The following HK1 variants were observed in gnomAD, a reference collection of about 807,000 sequenced individuals.
The protein encoded by HK1 is hexokinase 1.
In HK1, 28 loss-of-function variants were observed where a neutral mutation model predicts 91.6. The observed-to-expected ratio is 0.31, with a 90% CI of 0.23 to 0.42. The LOEUF (loss-of-function observed/expected upper bound fraction) is 0.42. Ranked by LOEUF, HK1 falls within the 10% of genes least tolerant of loss-of-function variation. The pLI is 1.00. For synonymous variants in HK1, 430 were observed against 468.1 expected, an observed-to-expected ratio of 0.92 and a Z score of 1.05; for missense variants, 770 against 1,219.8, an observed-to-expected ratio of 0.63 and a Z score of 5.49.
intron 1 of HK1, among the ~76,000 whole-genome samples, chr10:69,331,691 A>G (rs1188514437): frequency 2.0e-5 from 3 of 151,902 alleles, no homozygotes; most frequent in Admixed American, 6.6e-5. Context: ...CCAGGGCAAT[A>G]TAGCGAGACC....
intron 1 of HK1, chr10:69,319,235 C>G (rs1846864057): frequency 1.6e-6 from 1 of 623,038 alleles, no homozygotes; most frequent in Non-Finnish European, 2.9e-6. Context: ...GGAAGACCCC[C>G]GAGACCGGGC....
intron 1 of HK1, among the ~76,000 whole-genome samples, chr10:69,280,446 C>A (rs1163494141): frequency 6.6e-6 from 1 of 152,214 alleles, no homozygotes; most frequent in Non-Finnish European, 1.5e-5. Flanking sequence ...AGTGAGGTAG[C>A]ACCTACCTGG....
chr10:69,357,152 C>G (rs575384071), intron 2 of HK1, among the ~76,000 whole-genome samples: 7 of 152,262 alleles, frequency 4.6e-5, no homozygotes, highest in African/African-American at 1.7e-4. Context: ...AAAAGTTAAA[C>G]ATGGGTTACT....
intron 7 of HK1, among the ~76,000 whole-genome samples, chr10:69,370,832 A>G (rs1186258107): frequency 1.3e-5 from 2 of 152,172 alleles, no homozygotes; most frequent in African/African-American, 2.4e-5. Context: ...GATATTATTC[A>G]GGTTAGAGTG....
intron 13 of HK1, 138 bp downstream of exon 13, chr10:69,386,556 G>A: frequency 3.3e-6 from 2 of 609,364 alleles, no homozygotes; most frequent in Non-Finnish European, 5.9e-6. Context: ...GGCCGAGGCG[G>A]GTGGATCATG....
At chr10:69,391,943 C>G (rs1839914227) in intron 14 of HK1, among the ~76,000 whole-genome samples, 182 bp from the exon 15 acceptor site, 1 of 152,160 alleles carries the variant, frequency 6.6e-6, no homozygotes, top group Admixed American at 6.5e-5. Flanking sequence ...TGATGTGGCT[C>G]AGACTCTCCA....
chr10:69,313,239 G>A (rs1384898735), upstream of HK1, among the ~76,000 whole-genome samples: 2 of 152,212 alleles, frequency 1.3e-5, no homozygotes, highest in African/African-American at 4.8e-5. Flanking sequence ...ACAGGCGCCA[G>A]TCAGCAGTGT....
chr10:69,342,311 G>A (rs562983191), intron 1 of HK1, among the ~76,000 whole-genome samples: 22 of 152,326 alleles, frequency 1.4e-4, no homozygotes, highest in South Asian at 4.1e-4. Context: ...GGGGAGGTCA[G>A]GGTGACACGC....
intron 1 of HK1, among the ~76,000 whole-genome samples, chr10:69,271,338 G>A (rs923360738): frequency 2.0e-5 from 3 of 151,962 alleles, no homozygotes; most frequent in Non-Finnish European, 4.4e-5. Flanking sequence ...AAAATACACA[G>A]GATTATAAGG....
intron 2 of HK1, among the ~76,000 whole-genome samples, chr10:69,345,500 A>G (rs1019650033): frequency 2.0e-5 from 3 of 152,168 alleles, no homozygotes; most frequent in Admixed American, 6.5e-5. Flanking sequence ...AGAGCTATGT[A>G]GCAGAGGCAT....
In HK1 at chr10:69,385,436, G is replaced by A. The variant is rs192226191; in HGVS notation, c.1839+521G>A. On this transcript the variant is annotated intron_variant, in intron 12 of 17. Coordinates refer to ENST00000359426, the MANE Select transcript of HK1 (RefSeq NM_000188.3). ...TGAAGGTTACAGCTCCTGTCCTTTG[G>A]AAGGCCACAGTCTAGTGGGGGAGCC... Among the ~76,000 whole-genome samples, 639 of 152,354 alleles carry A rather than the reference G, an allele frequency of 4.2e-3. 2 individuals are homozygous for A. The highest frequency in any genetic ancestry group is 0.01 in the Middle Eastern group (3 of 294).
chr10:69,318,935 C>A lies in HK1; in HGVS notation c.-13C>A. Reference sequence around the variant, plus strand: ...GTCCCCACGCCTGCCGCCCCGCGACCCCGACCGCCAGCATGATCGCCGCGC... The same window carrying A: ...GTCCCCACGCCTGCCGCCCCGCGACACCGACCGCCAGCATGATCGCCGCGC... On this transcript the variant is annotated 5_prime_UTR_variant, in exon 1 of 18. Transcript: ENST00000359426. 1 of 1,584,424 alleles carries A rather than the reference C, an allele frequency of 6.3e-7. No homozygotes were observed. Among genetic ancestry groups the A allele is most frequent in the South Asian group, 1.1e-5 (1 of 87,244 alleles).
In HK1 at chr10:69,376,863, A is replaced by G. The variant is rs531225251; in HGVS notation, c.876-71A>G. 3.8e-6 allele frequency: 6 copies of G among 1,586,986 alleles called. No individual in the cohort carries two copies. In the African/African-American group the frequency reaches 4.0e-5, roughly 11 times the overall value. On this transcript the variant is annotated intron_variant, in intron 7 of 17. Transcript: ENST00000359426. ...TGAGTCGGGGCTTCCCATTCCTTTT[A>G]TGTCTGTCCCAGCCCTCGTGTGTGG... is the stretch of plus-strand genomic sequence containing the variant.
intron 2 of HK1, among the ~76,000 whole-genome samples, chr10:69,352,926 TG>T (rs1262537110): frequency 5.3e-5 from 8 of 152,184 alleles, no homozygotes; most frequent in Non-Finnish European, 1.2e-4. Context: ...CCAACCAATA[TG>T]TGAAATAATA....
At chr10:69,319,980 C>T (rs1846912449) in intron 1 of HK1, among the ~76,000 whole-genome samples, 1 of 152,154 alleles carries the variant, frequency 6.6e-6, no homozygotes, top group African/African-American at 2.4e-5. Context: ...CTGGGATGGA[C>T]TGGCAAAGTC....
intron 2 of HK1, among the ~76,000 whole-genome samples, chr10:69,359,666 G>T (rs1849315864): frequency 6.6e-6 from 1 of 152,240 alleles, no homozygotes; most frequent in South Asian, 2.1e-4. Context: ...GACTGGGATT[G>T]CTTGAAGCTA....
intron 2 of HK1, 46 bp from the exon 3 acceptor site, chr10:69,359,851 C>T: frequency 1.3e-6 from 2 of 1,596,872 alleles, no homozygotes; most frequent in South Asian, 2.2e-5. Context: ...TGTGGCTTCC[C>T]CTTAACATTT....
intron 2 of HK1, among the ~76,000 whole-genome samples, chr10:69,358,821 C>A (rs1174544537): frequency 6.6e-6 from 1 of 151,092 alleles, no homozygotes; most frequent in Non-Finnish European, 1.5e-5. Context: ...TGAGATTATG[C>A]CTCTGCATTC....
chr10:69,393,176 T>G (rs538892089), intron 15 of HK1, among the ~76,000 whole-genome samples: 1 of 152,144 alleles, frequency 6.6e-6, no homozygotes, highest in South Asian at 2.1e-4. Context: ...AGACGGGGTT[T>G]CTCCATGTTG....
Sources: allele counts gnomAD v4.1 joint callset (sites outside exome capture counted in the v4.1 genomes callset), GRCh38; gene constraint gnomAD v4.1.1; transcripts MANE v1.5; gene names NCBI Gene and HGNC (gene_info 2026-07-23, HGNC 2026-07-21).